SLC25A21: variants seen among roughly 807,000 people sequenced by gnomAD.
SLC25A21 encodes mitochondrial 2-oxodicarboxylate carrier.
SLC25A21 carries 47 observed loss-of-function variants against 43.8 expected under a neutral mutation model. The ratio of observed to expected loss-of-function variants is 1.07; its 90% CI spans 0.85 to 1.37. The LOEUF (loss-of-function observed/expected upper bound fraction) is 1.37. SLC25A21 is among the 40% of genes most tolerant of loss of function. The pLI, the probability that SLC25A21 is intolerant of heterozygous loss-of-function variation, is 0.00. For missense variants in SLC25A21, 352 were observed against 350.2 expected, an observed-to-expected ratio of 1.00 and a Z score of -0.04; for synonymous variants, 131 against 121.3, an observed-to-expected ratio of 1.08 and a Z score of -0.52.
At chr14:36,981,520 A>G (rs1594735604) in intron 1 of SLC25A21, among the ~76,000 whole-genome samples, 1 of 152,198 alleles carries the variant, frequency 6.6e-6, no homozygotes, top group South Asian at 2.1e-4. Context: ...AAAAAAGGAT[A>G]AGTTCATGTC....
rs748513653 is a variant in SLC25A21 at position 36,813,963 on chromosome 14, T to C, written c.158A>G (p.Tyr53Cys). Reference protein sequence around the residue: ...IQRCATDPNSYKSLVDSFRMI... With the variant: ...IQRCATDPNSCKSLVDSFRMI... ...TCGAAAGCTGTCTACCAAGCTTTTA[T>C]AACTGTTTGGATCGGTTGCACATCT... The change falls in exon 3 of 10, where the codon TAT becomes TGT. Residue 53 changes from tyrosine (Y) to cysteine (C), a missense_variant. By Grantham distance (194) the Tyr-to-Cys change is radical. Transcript: ENST00000331299. 1 of 1,610,590 alleles carries C rather than the reference T, an allele frequency of 6.2e-7. No homozygotes were observed. Among genetic ancestry groups the C allele is most frequent in the Admixed American group, 1.7e-5 (1 of 58,948 alleles).
chr14:37,055,919 C>T (rs1961815270), intron 1 of SLC25A21, among the ~76,000 whole-genome samples: 2 of 152,030 alleles, frequency 1.3e-5, no homozygotes. Context: ...ATTGTGATCC[C>T]CAGTGTTGGA....
intron 1 of SLC25A21, among the ~76,000 whole-genome samples, chr14:36,930,011 T>C (rs1482930444): frequency 3.3e-5 from 5 of 152,234 alleles, no homozygotes; most frequent in African/African-American, 1.2e-4. Context: ...CTGACTCCCC[T>C]GAGAAACCCA....
intron 3 of SLC25A21, among the ~76,000 whole-genome samples, chr14:36,798,989 A>C (rs1887773903): frequency 6.6e-6 from 1 of 152,156 alleles, no homozygotes; most frequent in African/African-American, 2.4e-5. Flanking sequence ...TTAGAAATGT[A>C]ACCTGGGTGA....
At chr14:36,796,089 C>G (rs998916145) in intron 3 of SLC25A21, among the ~76,000 whole-genome samples, 1 of 152,146 alleles carries the variant, frequency 6.6e-6, no homozygotes, top group Admixed American at 6.5e-5. Context: ...AAATGTTGCA[C>G]AGTGGAAATC....
chr14:37,012,287 T>G (rs1960750798), intron 1 of SLC25A21, among the ~76,000 whole-genome samples: 1 of 152,224 alleles, frequency 6.6e-6, no homozygotes, highest in African/African-American at 2.4e-5. Context: ...TTAAAACCAC[T>G]GCTATCAAAT....
intron 6 of SLC25A21, chr14:36,725,198 G>A (rs1419200878): frequency 6.5e-6 from 1 of 152,906 alleles, no homozygotes; most frequent in Non-Finnish European, 1.5e-5. Context: ...TTATGGCTGG[G>A]CGTGGTGGCT....
Position 36,678,841 on chromosome 14 carries a change from A to AATT in SLC25A21, c.*1814_*1816dup. On this transcript the variant is annotated 3_prime_UTR_variant, in exon 10 of 10. Coordinates refer to ENST00000331299, the MANE Select transcript of SLC25A21 (RefSeq NM_030631.4). ...TCTTAACAGTGAATTCACATGGAGT[A>AATT]ATTTTTAAAAGATATCAGATACAAT... 6.1e-6 allele frequency: 6 copies of AATT among 980,192 alleles called. No homozygotes were observed. Among genetic ancestry groups the AATT allele is most frequent in the Non-Finnish European group, 7.3e-6 (6 of 819,078 alleles). 60.7% of individuals were successfully genotyped at this position (980,192 alleles called of 1,614,324 possible).
intron 1 of SLC25A21, among the ~76,000 whole-genome samples, chr14:36,974,451 A>G (rs1298474192): frequency 6.6e-6 from 1 of 152,216 alleles, no homozygotes; most frequent in Non-Finnish European, 1.5e-5. Flanking sequence ...TACACATATT[A>G]TATCTTTTTT....
At chr14:37,018,700 C>T (rs1195384913) in intron 1 of SLC25A21, among the ~76,000 whole-genome samples, 3 of 152,046 alleles carry the variant, frequency 2.0e-5, no homozygotes, top group South Asian at 2.1e-4. Flanking sequence ...GTTTTCACAT[C>T]TGTTTTTAAA....
chr14:36,683,692 T>G, intron 9 of SLC25A21, 136 bp downstream of exon 9: 1 of 569,574 alleles, frequency 1.8e-6, no homozygotes, highest in Non-Finnish European at 3.1e-6. Context: ...CAAATACTCA[T>G]AGACAACTTT....
At chr14:36,930,899 C>A (rs1015043270) in intron 1 of SLC25A21, among the ~76,000 whole-genome samples, 1 of 152,048 alleles carries the variant, frequency 6.6e-6, no homozygotes, top group Non-Finnish European at 1.5e-5. Flanking sequence ...TTTGCTTCCC[C>A]AAATGCTCTT....
rs78328663 is a variant in SLC25A21 at position 37,040,932 on chromosome 14, A to G, written c.70+131349T>C. On this transcript the variant is annotated intron_variant, in intron 1 of 9. Transcript: ENST00000331299. ...TAGCTTTGAGGAAGATGATAAATTCATTCTAATATTGTGAGTTTGATGTTG... is the reference window on the plus strand; with the variant it reads ...TAGCTTTGAGGAAGATGATAAATTCGTTCTAATATTGTGAGTTTGATGTTG... Among the ~76,000 whole-genome samples, 447 of 152,158 alleles carry G rather than the reference A, an allele frequency of 2.9e-3. 2 individuals carry two copies. The highest frequency in any genetic ancestry group is 0.01 in the African/African-American group (432 of 41,486).
intron 3 of SLC25A21, among the ~76,000 whole-genome samples, chr14:36,805,535 C>T (rs945751140): frequency 6.6e-6 from 1 of 152,132 alleles, no homozygotes; most frequent in Non-Finnish European, 1.5e-5. Context: ...CTTTACAACC[C>T]AGTACAGCTT....
chr14:37,078,546 A>G (rs1962327505), intron 1 of SLC25A21, among the ~76,000 whole-genome samples: 1 of 152,214 alleles, frequency 6.6e-6, no homozygotes, highest in Non-Finnish European at 1.5e-5. Flanking sequence ...TTTGCCATTC[A>G]GTCAAAGGCC....
chr14:37,056,126 G>T (rs926089185), intron 1 of SLC25A21, among the ~76,000 whole-genome samples: 1 of 152,100 alleles, frequency 6.6e-6, no homozygotes, highest in Non-Finnish European at 1.5e-5. Flanking sequence ...TGCCATGATT[G>T]TAAGTTTCCT....
rs577072875 is a variant in SLC25A21, at chr14:37,065,791, A to C, written c.70+106490T>G. On this transcript the variant is annotated intron_variant, in intron 1 of 9. Transcript: ENST00000331299. The stretch of plus-strand genomic sequence containing the variant: ...ATGGTAAAACAATTATGCATACTAT[A>C]TTTAAAGATAGAAATAAAAAGTGGG... 1.2e-3 allele frequency among the ~76,000 whole-genome samples: 177 copies of C among 152,384 alleles called. 2 individuals carry two copies. The highest frequency in any genetic ancestry group is 3.3e-3 in the African/African-American group (139 of 41,594).
chr14:36,870,125 T>C (rs562913560), intron 2 of SLC25A21, among the ~76,000 whole-genome samples: 1 of 152,258 alleles, frequency 6.6e-6, no homozygotes, highest in African/African-American at 2.4e-5. Context: ...ATGCAAACAA[T>C]TGATTATGGA....
chr14:37,102,727 T>C (rs1314346918), intron 1 of SLC25A21, among the ~76,000 whole-genome samples: 1 of 151,680 alleles, frequency 6.6e-6, no homozygotes, highest in Non-Finnish European at 1.5e-5. Context: ...GGCTCATACC[T>C]GTAATCGCAG....
Sources: allele counts gnomAD v4.1 joint callset (sites outside exome capture counted in the v4.1 genomes callset), GRCh38; gene constraint gnomAD v4.1.1; transcripts MANE v1.5; gene names NCBI Gene and HGNC (gene_info 2026-07-23, HGNC 2026-07-21).